Variants in ERO1A observed in about 807,000 individuals in gnomAD.
ERO1A encodes the protein ERO1-like protein alpha.
In ERO1A, 49 loss-of-function variants were observed where a neutral mutation model predicts 76.9. The observed-to-expected ratio is 0.64, with a 90% CI of 0.51 to 0.81. ERO1A has a LOEUF of 0.81. ERO1A is among the 30% of genes least tolerant of loss of function. The pLI is 0.00. For synonymous variants in ERO1A, 174 were observed against 181.2 expected (o/e 0.96, Z 0.32); for missense variants, 448 against 542.1 (o/e 0.83, Z 1.72).
At chr14:52,678,655 C>G (rs2139745198) in intron 3 of ERO1A, among the ~76,000 whole-genome samples, 183 bp from the exon 4 acceptor site, 1 of 152,252 alleles carries the variant, frequency 6.6e-6, no homozygotes, top group East Asian at 1.9e-4. Context: ...ACAAATTATT[C>G]TATGGATTGC....
At chr14:52,677,325 G>T (rs973804702) in intron 4 of ERO1A, among the ~76,000 whole-genome samples, 2 of 152,018 alleles carry the variant, frequency 1.3e-5, no homozygotes, top group African/African-American at 4.8e-5. Context: ...TAACACAATA[G>T]TAAGTACACA....
At chr14:52,686,103 T>C (rs762417155) in intron 1 of ERO1A, among the ~76,000 whole-genome samples, 10 of 152,164 alleles carry the variant, frequency 6.6e-5, no homozygotes, top group African/African-American at 1.2e-4. Flanking sequence ...TCCCAGCTAC[T>C]TGGGCGCCTG....
At chr14:52,679,748 C>A (rs1485012625) in intron 3 of ERO1A, among the ~76,000 whole-genome samples, 2 of 151,854 alleles carry the variant, frequency 1.3e-5, no homozygotes, top group Non-Finnish European at 2.9e-5. Context: ...AACATCAGTT[C>A]AAGAAAAAAA....
At chr14:52,681,752 G>C (rs2041001163) in intron 3 of ERO1A, among the ~76,000 whole-genome samples, 1 of 152,032 alleles carries the variant, frequency 6.6e-6, no homozygotes, top group Non-Finnish European at 1.5e-5. Context: ...AGTAAAACCA[G>C]GTGTTTTGTC....
At chr14:52,680,754 T>C (rs1490661081) in intron 3 of ERO1A, among the ~76,000 whole-genome samples, 1 of 152,216 alleles carries the variant, frequency 6.6e-6, no homozygotes, top group African/African-American at 2.4e-5. Context: ...AGGTGTTTCA[T>C]AAATTAATCC....
intron 2 of ERO1A, 37 bp downstream of exon 2, chr14:52,683,751 A>T: frequency 1.1e-6 from 1 of 909,110 alleles, no homozygotes; most frequent in Non-Finnish European, 1.6e-6. Flanking sequence ...TTATCCATTT[A>T]AAGTATTCAT....
Position 52,682,355 on chromosome 14 carries a change from T to C in ERO1A, c.288A>G (p.Arg96=). The C allele has an allele frequency of 6.2e-7, 1 of 1,612,104 alleles. No homozygotes were observed. Among genetic ancestry groups the C allele is most frequent in the Non-Finnish European group, 8.5e-7 (1 of 1,178,830 alleles). The change falls in exon 3 of 16, where the codon AGA becomes AGG. Residue 96 remains arginine (R), a synonymous_variant. Coordinates refer to ENST00000395686, the MANE Select transcript of ERO1A (RefSeq NM_014584.3). ...GACATGGTTTGACAGCACAGTCCCT[T>C]CTTCCACACTGGCTGATGTCATTCC... ...PFWNDISQCG[R]RDCAVKPCQS... is the part of the protein sequence containing the mutation.
At chr14:52,666,764 C>A (rs2040425824) in intron 6 of ERO1A, among the ~76,000 whole-genome samples, 4 of 152,156 alleles carry the variant, frequency 2.6e-5, no homozygotes, top group Non-Finnish European at 5.9e-5. Flanking sequence ...AACCCTGTCT[C>A]TACTAAAAAT....
intron 11 of ERO1A, among the ~76,000 whole-genome samples, chr14:52,657,215 T>C (rs558787697): frequency 1.2e-4 from 18 of 152,290 alleles, no homozygotes; most frequent in African/African-American, 4.1e-4. Context: ...ACTATAAATA[T>C]GGCTGCAGAA....
intron 15 of ERO1A, among the ~76,000 whole-genome samples, chr14:52,644,824 G>GA (rs1594817160): frequency 1.3e-5 from 2 of 151,878 alleles, no homozygotes; most frequent in Non-Finnish European, 2.9e-5. Flanking sequence ...TCTCGATCAT[G>GA]AAAAAAACAG....
chr14:52,662,827 T>C (rs1199925467), intron 8 of ERO1A, among the ~76,000 whole-genome samples: 1 of 152,216 alleles, frequency 6.6e-6, no homozygotes, highest in South Asian at 2.1e-4. Context: ...CCATCTATTA[T>C]GTGTCAGGCT....
At chr14:52,654,618 A>G (rs1285881246) in intron 11 of ERO1A, among the ~76,000 whole-genome samples, 2 of 152,182 alleles carry the variant, frequency 1.3e-5, no homozygotes, top group Non-Finnish European at 1.5e-5. Flanking sequence ...TGCTACAGTT[A>G]GTTTGTAAGT....
Position 52,658,130 on chromosome 14 carries a change from G to A in ERO1A, c.709C>T (p.Leu237=). The A allele has an allele frequency of 6.6e-7, 1 of 1,505,672 alleles. No homozygotes were observed. The highest frequency in any genetic ancestry group is 9.1e-7 in the Non-Finnish European group (1 of 1,094,176). 93.3% of individuals were successfully genotyped at this position (1,505,672 alleles called of 1,614,324 possible). ...TTTTAAAGTTTCTAATTACCTTCTA[G>A]CCAACTGTAAAAAGTGTTCTCTGAA... ...TSEENTFYSW[L]EGLCVEKRAF... The change falls in exon 10 of 16, where the codon CTA becomes TTA. Residue 237 remains leucine (L), a synonymous_variant. Coordinates refer to ENST00000395686, the MANE Select transcript of ERO1A (RefSeq NM_014584.3).
chr14:52,646,825 A>C (rs1324008861), intron 13 of ERO1A: 1 of 176,518 alleles, frequency 5.7e-6, no homozygotes, highest in East Asian at 1.6e-4. Flanking sequence ...TAACTTTGTC[A>C]AGGTGTCCAT....
intron 3 of ERO1A, among the ~76,000 whole-genome samples, chr14:52,680,622 A>G (rs1314070368): frequency 6.6e-6 from 1 of 152,252 alleles, no homozygotes; most frequent in African/African-American, 2.4e-5. Flanking sequence ...TATAATTAGG[A>G]TATTGGTAAA....
intron 1 of ERO1A, among the ~76,000 whole-genome samples, chr14:52,684,144 CACACACAG>C (rs1426861808): frequency 2.3e-5 from 3 of 128,618 alleles, no homozygotes; most frequent in East Asian, 2.4e-4. Flanking sequence ...CACACACACA[CACACACAG>C]AGAGAGTTGG....
Position 52,652,456 on chromosome 14 carries a change from C to T in ERO1A, c.1056-148G>A, listed in dbSNP as rs559302680. The T allele has an allele frequency of 5.2e-6, 3 of 571,524 alleles. No homozygotes were observed. The African/African-American group carries it at 5.6e-5, about 11-fold the overall frequency. The allele number at this position is 571,524 out of a possible 1,614,324, so 35.4% of individuals were successfully genotyped here. ...ATGCCCCAAATCAAATTCTTATCCT[C>T]AAACCTCAAATCTTGATTCTAACTG... is the stretch of plus-strand genomic sequence containing the variant. On this transcript the variant is annotated intron_variant, in intron 12 of 15. Coordinates refer to ENST00000395686, the MANE Select transcript of ERO1A (RefSeq NM_014584.3).
intron 3 of ERO1A, among the ~76,000 whole-genome samples, chr14:52,679,304 A>G (rs2040907382): frequency 6.6e-6 from 1 of 152,100 alleles, no homozygotes; most frequent in Admixed American, 6.6e-5. Context: ...ACTCCCCACA[A>G]TACTGCCAGT....
intron 3 of ERO1A, 104 bp from the exon 4 acceptor site, chr14:52,678,576 C>T (rs1186429505): frequency 3.9e-6 from 4 of 1,023,576 alleles, no homozygotes; most frequent in African/African-American, 3.2e-5. Context: ...AACAAATTAT[C>T]GAAGTTGGAT....
Sources: allele counts gnomAD v4.1 joint callset (sites outside exome capture counted in the v4.1 genomes callset), GRCh38; gene constraint gnomAD v4.1.1; transcripts MANE v1.5; gene names NCBI Gene and HGNC (gene_info 2026-07-23, HGNC 2026-07-21).